GOLPH3: variants seen among roughly 807,000 people sequenced by gnomAD.
GOLPH3 encodes the protein coat protein GPP34.
In GOLPH3, 14 loss-of-function variants were observed where a neutral mutation model predicts 28.5. The observed-to-expected ratio is 0.49, with a 90% CI of 0.32 to 0.77. The LOEUF (loss-of-function observed/expected upper bound fraction) is 0.77. Among genes scored for constraint, GOLPH3 ranks in the 30% least tolerant of loss-of-function variants. The probability of loss-of-function intolerance (pLI) is 0.03; values close to 1 mark genes in which losing one functional copy is unlikely to be tolerated. For synonymous variants in GOLPH3, 158 were observed against 159.2 expected, an observed-to-expected ratio of 0.99 and a Z score of 0.06; for missense variants, 350 against 393.7, an observed-to-expected ratio of 0.89 and a Z score of 0.94.
chr5:32,156,238 C>T (rs1472366459), intron 1 of GOLPH3, among the ~76,000 whole-genome samples: 1 of 152,112 alleles, frequency 6.6e-6, no homozygotes, highest in African/African-American at 2.4e-5. Context: ...TAGCTCATGC[C>T]TGTAATCCCA....
chr5:32,150,981 T>G (rs186466314), intron 1 of GOLPH3, among the ~76,000 whole-genome samples: 1 of 152,264 alleles, frequency 6.6e-6, no homozygotes, highest in East Asian at 1.9e-4. Context: ...AAATTCCAGA[T>G]GGATCAGAGG....
At position 32,124,997 on chromosome 5, in the gene GOLPH3, A is replaced by T. The variant is rs1745644547; in HGVS notation, c.*1215T>A. 1 of 152,666 alleles carries T rather than the reference A, an allele frequency of 6.6e-6. No individual in the cohort carries two copies. Among genetic ancestry groups the T allele is most frequent in the Non-Finnish European group, 1.5e-5 (1 of 68,040 alleles). The allele number at this position is 152,666 out of a possible 1,614,324, so 9.5% of individuals were successfully genotyped here. A position where few individuals can be genotyped will look rare whatever the true frequency, so the allele number is the denominator to read the frequency against. Reference sequence around the variant, plus strand: ...ATAAAGTGATAAAGAAATAGTAAAAATAAACTTTAAAAAGCAAAGGTTTAT... The same window carrying T: ...ATAAAGTGATAAAGAAATAGTAAAATTAAACTTTAAAAAGCAAAGGTTTAT... On this transcript the variant is annotated 3_prime_UTR_variant, in exon 4 of 4. Coordinates refer to ENST00000265070, the MANE Select transcript of GOLPH3 (RefSeq NM_022130.4).
chr5:32,173,717 G>A lies in GOLPH3; in HGVS notation c.225+93C>T, dbSNP rs1746905039. On this transcript the variant is annotated intron_variant, in intron 1 of 3. Transcript: ENST00000265070. ...GGAGCGAGGGCAGGTGCGCGGGCCG[G>A]AAGCCTCGGGCGCTCACCTGGCACC... 9.9e-6 allele frequency: 9 copies of A among 908,460 alleles called. No individual in the cohort carries two copies. In the South Asian group the frequency reaches 3.3e-4, roughly 33 times the overall value. The allele number at this position is 908,460 out of a possible 1,614,324, so 56.3% of individuals were successfully genotyped here.
chr5:32,167,334 G>A (rs1187970421), intron 1 of GOLPH3, among the ~76,000 whole-genome samples: 1 of 152,040 alleles, frequency 6.6e-6, no homozygotes, highest in African/African-American at 2.4e-5. Flanking sequence ...ACCATGTCTG[G>A]CTAATTTTTA....
chr5:32,126,205 A>G lies in GOLPH3; in HGVS notation c.*7T>C. 6.2e-7 allele frequency: 1 copy of G among 1,606,002 alleles called. No homozygotes were observed. The highest frequency in any genetic ancestry group is 8.5e-7 in the Non-Finnish European group (1 of 1,173,442). On this transcript the variant is annotated 3_prime_UTR_variant, in exon 4 of 4. Transcript: ENST00000265070. ...AGAGAAAGGAGAATGGTTCACCCCG[A>G]GCAGAGTTACTTGGTGAACGCCGCC...
At chr5:32,158,018 T>TAAAA (rs1364831757) in intron 1 of GOLPH3, among the ~76,000 whole-genome samples, 1 of 26,960 alleles carries the variant, frequency 3.7e-5, no homozygotes, top group East Asian at 7.9e-4. Context: ...AATAAATAAA[T>TAAAA]AAAATACACA....
chr5:32,171,877 G>C (rs143851826), intron 1 of GOLPH3, among the ~76,000 whole-genome samples: 2,925 of 152,130 alleles, frequency 0.019, 111 homozygotes, highest in African/African-American at 0.067. Context: ...GAACCCGGGA[G>C]GGGGAGGTTG....
chr5:32,165,762 G>C (rs1354736009), intron 1 of GOLPH3, among the ~76,000 whole-genome samples: 3 of 152,174 alleles, frequency 2.0e-5, no homozygotes, highest in Non-Finnish European at 4.4e-5. Flanking sequence ...TTGATGAATG[G>C]ATGAAAACTG....
chr5:32,128,421 G>C (rs1745744131), intron 3 of GOLPH3, among the ~76,000 whole-genome samples: 1 of 152,196 alleles, frequency 6.6e-6, no homozygotes, highest in African/African-American at 2.4e-5. Context: ...ACTGTGGGTA[G>C]CCCAGACGGG....
rs1331452309 is a variant in GOLPH3, at chr5:32,126,595, T to G, written c.514A>C (p.Asn172His). 3 of 1,613,608 alleles carry G rather than the reference T, an allele frequency of 1.9e-6. No individual in the cohort carries two copies. Among genetic ancestry groups the G allele is most frequent in the Non-Finnish European group, 2.5e-6 (3 of 1,179,860 alleles). Residue 172 changes from asparagine to histidine, a missense_variant, in exon 4 of 4, where the codon AAT (asparagine) becomes CAT (histidine). Transcript: ENST00000265070. ...TTTTTAGCTAATCGTTCCCGTACAT[T>G]TCTTAACTGATAATGCAATTTTAAT... ...NPLKLHYQLRNVRERLAKNLV... is the reference protein window; with the variant it reads ...NPLKLHYQLRHVRERLAKNLV...
intron 3 of GOLPH3, among the ~76,000 whole-genome samples, chr5:32,134,484 C>T (rs1425183617): frequency 1.4e-5 from 2 of 146,916 alleles, no homozygotes; most frequent in Non-Finnish European, 3.0e-5. Context: ...ACTGGGATTA[C>T]AGTAATGAGC....
intron 1 of GOLPH3, among the ~76,000 whole-genome samples, chr5:32,167,211 G>A (rs10080140): frequency 7.2e-5 from 11 of 152,064 alleles, no homozygotes; most frequent in African/African-American, 2.2e-4. Context: ...CACTCTTGTC[G>A]CCCAGGCTGG....
chr5:32,147,289 T>G (rs751437183), intron 1 of GOLPH3, among the ~76,000 whole-genome samples: 1 of 152,200 alleles, frequency 6.6e-6, no homozygotes, highest in East Asian at 1.9e-4. Flanking sequence ...GCATTTTAAT[T>G]TACAGTATAC....
chr5:32,173,541 G>A (rs771834684), intron 1 of GOLPH3, among the ~76,000 whole-genome samples: 3 of 152,114 alleles, frequency 2.0e-5, no homozygotes, highest in Non-Finnish European at 4.4e-5. Context: ...AAACTGCCAG[G>A]GTGTCGAAAT....
chr5:32,130,798 T>C (rs1307497591), intron 3 of GOLPH3, among the ~76,000 whole-genome samples: 1 of 152,240 alleles, frequency 6.6e-6, no homozygotes, highest in Non-Finnish European at 1.5e-5. Flanking sequence ...AGTTTATGAC[T>C]ACTGTCTCTT....
intron 1 of GOLPH3, among the ~76,000 whole-genome samples, chr5:32,156,497 T>C (rs1423556070): frequency 6.9e-6 from 1 of 145,226 alleles, no homozygotes; most frequent in Non-Finnish European, 1.6e-5. Flanking sequence ...AGCGAGATTC[T>C]GTCTCAAAAA....
intron 1 of GOLPH3, among the ~76,000 whole-genome samples, chr5:32,166,748 AGTGG>A (rs763445804): frequency 6.6e-6 from 1 of 151,838 alleles, no homozygotes; most frequent in African/African-American, 2.4e-5. Flanking sequence ...GCGGAGTTGC[AGTGG>A]GCCAAGACGG....
chr5:32,140,802 C>CAA (rs553950121), intron 2 of GOLPH3, among the ~76,000 whole-genome samples: 837 of 73,632 alleles, frequency 0.011, 10 homozygotes, highest in African/African-American at 0.038. Flanking sequence ...ACTCTGTCTC[C>CAA]AAAAAAAAAA....
rs161537 is a variant in GOLPH3 at position 32,125,321 on chromosome 5, C to A, written c.*891G>T. On this transcript the variant is annotated 3_prime_UTR_variant, in exon 4 of 4. Coordinates refer to ENST00000265070, the MANE Select transcript of GOLPH3 (RefSeq NM_022130.4). ...AAGATAAAATTTAAAAAAAATCTAACAAGGGGATGCATAGGCAAAGAGTAC... is the reference window on the plus strand; with the variant it reads ...AAGATAAAATTTAAAAAAAATCTAAAAAGGGGATGCATAGGCAAAGAGTAC... 1 allele frequency: 152,580 copies of A among 152,800 alleles called. 76,183 individuals carry two copies. The highest frequency in any genetic ancestry group is 1 in the Non-Finnish European group (68,050 of 68,050). 9.5% of individuals were successfully genotyped at this position (152,800 alleles called of 1,614,324 possible).
Sources: gnomAD v4.1 joint callset for allele counts (sites outside exome capture counted in the v4.1 genomes callset) on GRCh38, gnomAD v4.1.1 for gene constraint, MANE v1.5 for transcripts, NCBI Gene and HGNC (gene_info 2026-07-23, HGNC 2026-07-21) for gene names.